Variants in DNAI7 observed in about 807,000 individuals in gnomAD.
DNAI7 encodes the protein cancer susceptibility 1.
In DNAI7, 78 loss-of-function variants were observed where a neutral mutation model predicts 86.6. The observed-to-expected ratio is 0.90, with a 90% CI of 0.75 to 1.09. DNAI7 has a LOEUF of 1.09. DNAI7 is among the 50% of genes least tolerant of loss of function. The pLI, the probability that DNAI7 is intolerant of heterozygous loss-of-function variation, is 0.00. For missense variants in DNAI7, 753 were observed against 810.2 expected, an observed-to-expected ratio of 0.93 and a Z score of 0.86; for synonymous variants, 274 against 273.0, an observed-to-expected ratio of 1.00 and a Z score of -0.04.
At chr12:25,179,866 C>T (rs1949337084) in intron 2 of DNAI7, among the ~76,000 whole-genome samples, 2 of 152,108 alleles carry the variant, frequency 1.3e-5, no homozygotes, top group Non-Finnish European at 2.9e-5. Context: ...GAAAGCATTC[C>T]CCCTAAGAAC....
At chr12:25,124,619 T>A (rs1029613742) in intron 9 of DNAI7, among the ~76,000 whole-genome samples, 6 of 152,160 alleles carry the variant, frequency 3.9e-5, no homozygotes, top group Admixed American at 1.3e-4. Flanking sequence ...GAACTAAATT[T>A]TTTTTTAACT....
At position 25,108,784 on chromosome 12, in the gene DNAI7, T is replaced by C; in HGVS notation, c.1933A>G (p.Asn645Asp). The C allele has an allele frequency of 7.6e-7, 1 of 1,323,346 alleles. No homozygotes were observed. The highest frequency in any genetic ancestry group is 1.7e-5 in the African/African-American group (1 of 59,720). 82.0% of individuals were successfully genotyped at this position (1,323,346 alleles called of 1,614,324 possible). ...CCACTAAACATTAAAAGGGCCCAAT[T>C]AGGATTCTCAGTACATGCTTCAGTA... The part of the protein sequence containing the change: ...HLTEACTENP[N>D]WALLMFSGDR... Residue 645 changes from asparagine to aspartate, a missense_variant, in exon 16 of 16, where the codon AAT (asparagine) becomes GAT (aspartate). By Grantham distance (23) the Asn-to-Asp change is conservative (BLOSUM62 1). Coordinates refer to ENST00000395987, the MANE Select transcript of DNAI7 (RefSeq NM_018272.5).
downstream of DNAI7, chr12:25,107,936 C>T: frequency 6.2e-7 from 1 of 1,614,204 alleles, no homozygotes; most frequent in Non-Finnish European, 8.5e-7. Flanking sequence ...AGCTTCCTCA[C>T]AGGCCAATTA....
intron 3 of DNAI7, 87 bp from the exon 4 acceptor site, chr12:25,158,650 T>C: frequency 6.6e-7 from 1 of 1,513,370 alleles, no homozygotes; most frequent in Non-Finnish European, 8.8e-7. Flanking sequence ...TTTCAAGATG[T>C]AGTGGTGGAA....
chr12:25,185,834 C>G (rs950001449), intron 2 of DNAI7: 1 of 759,338 alleles, frequency 1.3e-6, no homozygotes, highest in Non-Finnish European at 1.6e-6. Flanking sequence ...ATAAGCACCC[C>G]CCTTTTGCCC....
chr12:25,113,199 C>T (rs1337475110), intron 13 of DNAI7, among the ~76,000 whole-genome samples: 1 of 152,118 alleles, frequency 6.6e-6, no homozygotes, highest in African/African-American at 2.4e-5. Flanking sequence ...GGAGGGTAGA[C>T]CAGAAGCATT....
chr12:25,108,988 GT>G (rs1949527638), intron 15 of DNAI7, among the ~76,000 whole-genome samples, 165 bp from the exon 16 acceptor site: 2 of 151,952 alleles, frequency 1.3e-5, no homozygotes, highest in Non-Finnish European at 2.9e-5. Flanking sequence ...CCATCACACT[GT>G]TTATATTTTG....
At chr12:25,116,229 T>C (rs1179886453) in intron 12 of DNAI7, among the ~76,000 whole-genome samples, 2 of 152,132 alleles carry the variant, frequency 1.3e-5, no homozygotes. Flanking sequence ...TTTTTACTCT[T>C]AAATTTCATA....
chr12:25,136,886 T>C (rs558767183), intron 9 of DNAI7, among the ~76,000 whole-genome samples: 44 of 152,184 alleles, frequency 2.9e-4, no homozygotes, highest in African/African-American at 1.1e-3. Flanking sequence ...TTTTAAAAAA[T>C]GAACAAAGCC....
chr12:25,194,823 T>A, intron 1 of DNAI7: 1 of 1,529,052 alleles, frequency 6.5e-7, no homozygotes, highest in Non-Finnish European at 9.0e-7. Context: ...ACATTCGAGA[T>A]CAGGATACCG....
intron 9 of DNAI7, among the ~76,000 whole-genome samples, chr12:25,132,188 A>G (rs1943014510): frequency 6.6e-6 from 1 of 152,152 alleles, no homozygotes; most frequent in African/African-American, 2.4e-5. Context: ...TTGCGTGTTC[A>G]GTACTTACTT....
intron 9 of DNAI7, among the ~76,000 whole-genome samples, chr12:25,126,091 T>G (rs1488085702): frequency 2.0e-5 from 3 of 152,130 alleles, no homozygotes; most frequent in Non-Finnish European, 2.9e-5. Context: ...TAATTATTAA[T>G]AGATCCTCCC....
chr12:25,170,780 C>G (rs190401812), intron 2 of DNAI7, among the ~76,000 whole-genome samples: 1 of 152,296 alleles, frequency 6.6e-6, no homozygotes, highest in Non-Finnish European at 1.5e-5. Flanking sequence ...ATCCAGCACT[C>G]TCTCACACCA....
At chr12:25,158,331 G>A in intron 4 of DNAI7, 141 bp downstream of exon 4, 2 of 626,476 alleles carry the variant, frequency 3.2e-6, no homozygotes, top group Non-Finnish European at 5.4e-6. Flanking sequence ...GGATAACAAT[G>A]TCACTTATTC....
chr12:25,143,033 C>T (rs1013444120), intron 9 of DNAI7, among the ~76,000 whole-genome samples: 1 of 145,736 alleles, frequency 6.9e-6, no homozygotes, highest in East Asian at 2.0e-4. Context: ...TATCTTATTG[C>T]CCAAAAAACA....
chr12:25,155,731 G>A (rs983437496), intron 4 of DNAI7, among the ~76,000 whole-genome samples: 11 of 152,190 alleles, frequency 7.2e-5, no homozygotes, highest in African/African-American at 2.4e-4. Flanking sequence ...TGAAAGTGCT[G>A]ATGTCTTAGC....
chr12:25,169,940 A>G (rs1947945164), intron 2 of DNAI7, among the ~76,000 whole-genome samples: 1 of 152,192 alleles, frequency 6.6e-6, no homozygotes, highest in South Asian at 2.1e-4. Flanking sequence ...GGATTCATCT[A>G]ACACATAAGG....
chr12:25,194,785 A>G, intron 1 of DNAI7: 1 of 1,199,396 alleles, frequency 8.3e-7, no homozygotes, highest in Non-Finnish European at 1.2e-6. Context: ...GAAAGTTACT[A>G]GGTTGGGACC....
At chr12:25,188,778 C>T (rs1419225941) in intron 2 of DNAI7, among the ~76,000 whole-genome samples, 1 of 151,722 alleles carries the variant, frequency 6.6e-6, no homozygotes, top group Non-Finnish European at 1.5e-5. Flanking sequence ...ATACTATCAA[C>T]GTAATAGCCC....
Sources: allele counts gnomAD v4.1 joint callset (sites outside exome capture counted in the v4.1 genomes callset), GRCh38; gene constraint gnomAD v4.1.1; transcripts MANE v1.5; gene names NCBI Gene and HGNC (gene_info 2026-07-23, HGNC 2026-07-21).